The following WWOX variants were observed in gnomAD, a reference collection of about 807,000 sequenced individuals.
WWOX encodes WW domain-containing oxidoreductase.
In WWOX, 69 loss-of-function variants were observed where a neutral mutation model predicts 46.2. The observed-to-expected ratio is 1.49, with a 90% CI of 1.23 to 1.82. The LOEUF is 1.82. Among genes scored for constraint, WWOX ranks in the 40% most tolerant of loss-of-function variants. The probability of loss-of-function intolerance (pLI) is 0.00; values close to 1 mark genes in which losing one functional copy is unlikely to be tolerated. For missense variants in WWOX, 919 were observed against 542.6 expected (o/e 1.69, Z -6.89); for synonymous variants, 359 against 202.6 (o/e 1.77, Z -6.56).
chr16:78,270,073 T>C (rs553473396), intron 5 of WWOX: 12 of 152,298 alleles, frequency 7.9e-5, no homozygotes, highest in African/African-American at 2.6e-4. Context: ...TGGTATTTGA[T>C]GTTAAGCCTC....
chr16:79,007,777 G>A lies in WWOX; in HGVS notation c.1057-203831G>A, dbSNP rs1222360496. Among the ~76,000 whole-genome samples, 3 of 152,154 alleles carry A rather than the reference G, an allele frequency of 2.0e-5. No individual in the cohort carries two copies. The East Asian group carries it at 5.8e-4, about 29-fold the overall frequency. The stretch of plus-strand genomic sequence containing the variant: ...GGAGAGCTCTTTCTCGGATACCAAA[G>A]CTATTTAATATTTATCATTGACTAA... On this transcript the variant is annotated intron_variant, in intron 8 of 8. Coordinates refer to ENST00000566780, the MANE Select transcript of WWOX (RefSeq NM_016373.4).
At chr16:78,304,332 C>T (rs1330703233) in intron 5 of WWOX, among the ~76,000 whole-genome samples, 1 of 152,200 alleles carries the variant, frequency 6.6e-6, no homozygotes, top group Admixed American at 6.5e-5. Context: ...AATGCATTGA[C>T]ATTGTTCAAC....
intron 5 of WWOX, among the ~76,000 whole-genome samples, chr16:78,297,987 G>T (rs73574532): frequency 7.9e-5 from 12 of 152,130 alleles, no homozygotes; most frequent in African/African-American, 2.7e-4. Flanking sequence ...CCGTTCCCCC[G>T]TGCTGTGAGT....
chr16:79,065,439 G>A (rs968982923), intron 8 of WWOX, among the ~76,000 whole-genome samples: 10 of 152,212 alleles, frequency 6.6e-5, no homozygotes, highest in African/African-American at 2.2e-4. Flanking sequence ...AATCATTGAA[G>A]TGTGGAAAAT....
chr16:78,442,291 C>G (rs947891240), intron 8 of WWOX, among the ~76,000 whole-genome samples: 1 of 152,072 alleles, frequency 6.6e-6, no homozygotes, highest in African/African-American at 2.4e-5. Flanking sequence ...CATTGAAAGT[C>G]TAGTCTCAGC....
chr16:79,007,689 G>C (rs781077877), intron 8 of WWOX, among the ~76,000 whole-genome samples: 5 of 152,218 alleles, frequency 3.3e-5, no homozygotes, highest in Non-Finnish European at 7.3e-5. Flanking sequence ...TGAAGAAGTA[G>C]ATTTCATCAA....
chr16:78,287,519 A>G (rs1235680626), intron 5 of WWOX, among the ~76,000 whole-genome samples: 4 of 152,162 alleles, frequency 2.6e-5, no homozygotes, highest in African/African-American at 9.7e-5. Context: ...AAACAACAGT[A>G]TATGCTATCA....
At chr16:78,429,724 G>A (rs2083173796) in intron 7 of WWOX, among the ~76,000 whole-genome samples, 1 of 152,096 alleles carries the variant, frequency 6.6e-6, no homozygotes, top group Non-Finnish European at 1.5e-5. Context: ...ACCTTATTAT[G>A]TTGAAATAAA....
At chr16:78,750,492 A>G (rs764221693) in intron 8 of WWOX, among the ~76,000 whole-genome samples, 1 of 152,142 alleles carries the variant, frequency 6.6e-6, no homozygotes, top group Middle Eastern at 3.4e-3. Context: ...TTTATTTTTT[A>G]TTTTTTGTTT....
chr16:79,042,354 G>T (rs1274374139), intron 8 of WWOX, among the ~76,000 whole-genome samples: 1 of 152,146 alleles, frequency 6.6e-6, no homozygotes, highest in East Asian at 1.9e-4. Flanking sequence ...TGACTTTGTT[G>T]CCTAGCAGGG....
intron 8 of WWOX, among the ~76,000 whole-genome samples, chr16:79,179,816 G>A (rs1360428456): frequency 6.6e-6 from 1 of 152,192 alleles, no homozygotes; most frequent in Non-Finnish European, 1.5e-5. Context: ...TGTATAAGCT[G>A]TTTTTAAACA....
chr16:78,295,117 T>G (rs575837217), intron 5 of WWOX, among the ~76,000 whole-genome samples: 10 of 151,892 alleles, frequency 6.6e-5, no homozygotes, highest in Admixed American at 6.6e-4. Flanking sequence ...AATCCAGGAG[T>G]CTCATGTCCC....
chr16:78,725,175 C>G (rs759793058), intron 8 of WWOX, among the ~76,000 whole-genome samples: 1 of 151,544 alleles, frequency 6.6e-6, no homozygotes, highest in Non-Finnish European at 1.5e-5. Context: ...TCACTTGGCT[C>G]TCATTTTCTC....
At chr16:79,097,649 G>C (rs912922397) in intron 8 of WWOX, among the ~76,000 whole-genome samples, 1 of 152,114 alleles carries the variant, frequency 6.6e-6, no homozygotes, top group Non-Finnish European at 1.5e-5. Context: ...AAGGGGGTTA[G>C]GTTTGTGTGC....
At chr16:78,815,582 T>C (rs2051308100) in intron 8 of WWOX, among the ~76,000 whole-genome samples, 1 of 152,198 alleles carries the variant, frequency 6.6e-6, no homozygotes, top group Non-Finnish European at 1.5e-5. Flanking sequence ...GCGTAAGCTG[T>C]CCTCCAAAAC....
intron 8 of WWOX, among the ~76,000 whole-genome samples, chr16:78,592,423 C>A (rs779740244): frequency 6.6e-6 from 1 of 152,150 alleles, no homozygotes; most frequent in Non-Finnish European, 1.5e-5. Flanking sequence ...TAAGAACATA[C>A]ACAAGCATGC....
chr16:78,500,700 C>A (rs192415570), intron 8 of WWOX, among the ~76,000 whole-genome samples: 2 of 152,106 alleles, frequency 1.3e-5, no homozygotes, highest in African/African-American at 4.8e-5. Context: ...ACTAGCTTTT[C>A]GGGAACACGT....
At chr16:78,142,778 T>A (rs2034031698) in intron 4 of WWOX, among the ~76,000 whole-genome samples, 1 of 151,812 alleles carries the variant, frequency 6.6e-6, no homozygotes, top group Admixed American at 6.5e-5. Context: ...AAATTTCCAC[T>A]TATTTAAACA....
intron 8 of WWOX, among the ~76,000 whole-genome samples, chr16:79,017,981 A>G (rs1206014738): frequency 2.0e-5 from 3 of 152,224 alleles, no homozygotes; most frequent in African/African-American, 7.2e-5. Flanking sequence ...TGCACACCAC[A>G]GTATCCAAAA....
Sources: gnomAD v4.1 joint callset for allele counts (sites outside exome capture counted in the v4.1 genomes callset) on GRCh38, gnomAD v4.1.1 for gene constraint, MANE v1.5 for transcripts, NCBI Gene and HGNC (gene_info 2026-07-23, HGNC 2026-07-21) for gene names.